ELAVL2: variants seen among roughly 807,000 people sequenced by gnomAD.
ELAVL2 encodes ELAV like RNA binding protein 2.
In ELAVL2, 4 loss-of-function variants were observed where a neutral mutation model predicts 34.6. That is an observed-to-expected ratio of 0.12 (90% CI 0.06 to 0.26). ELAVL2 has a LOEUF of 0.26. ELAVL2 is among the 10% of genes least tolerant of loss of function. ELAVL2 has a pLI of 1.00. For synonymous variants in ELAVL2, 193 were observed against 154.8 expected (o/e 1.25, Z -1.83); for missense variants, 432 against 442.8 (o/e 0.98, Z 0.22).
chr9:23,705,313 A>C (rs2038947094), intron 3 of ELAVL2, among the ~76,000 whole-genome samples: 1 of 152,170 alleles, frequency 6.6e-6, no homozygotes, highest in African/African-American at 2.4e-5. Flanking sequence ...GGACTAGCCT[A>C]CTGCAAGGGA....
the ELAVL2 span, among the ~76,000 whole-genome samples, chr9:23,833,574 T>C: frequency 6.6e-6 from 1 of 151,878 alleles, no homozygotes; most frequent in Non-Finnish European, 1.5e-5. Flanking sequence ...ATTTTCATTA[T>C]GAACATAAAA....
intron 1 of ELAVL2, among the ~76,000 whole-genome samples, chr9:23,781,384 T>G (rs923714123): frequency 6.6e-6 from 1 of 152,178 alleles, no homozygotes; most frequent in African/African-American, 2.4e-5. Context: ...CTTTCTTCTT[T>G]CCCTCAAAAG....
At chr9:23,842,250 A>C in the ELAVL2 span, among the ~76,000 whole-genome samples, 1 of 152,064 alleles carries the variant, frequency 6.6e-6, no homozygotes, top group Non-Finnish European at 1.5e-5. Context: ...GTTGACTCTG[A>C]CATTTTTCTG....
chr9:23,705,539 T>A (rs187431193), intron 3 of ELAVL2, among the ~76,000 whole-genome samples: 31 of 152,372 alleles, frequency 2.0e-4, no homozygotes, highest in Non-Finnish European at 3.8e-4. Flanking sequence ...ATAGGCTGTC[T>A]TCTGTGGGGC....
intron 1 of ELAVL2, among the ~76,000 whole-genome samples, chr9:23,795,115 T>C (rs763650476): frequency 3.9e-5 from 6 of 152,192 alleles, no homozygotes; most frequent in Non-Finnish European, 7.3e-5. Context: ...AAGCAATATT[T>C]TCAAAGTCAA....
rs1385028775 is a variant in ELAVL2, at chr9:23,797,938, AAAAAG to A, written c.-16+27863_-16+27867del. Among the ~76,000 whole-genome samples the A allele has an allele frequency of 4.2e-4, 64 of 151,246 alleles. 1 individual carries two copies. Among genetic ancestry groups the A allele is most frequent in the Admixed American group, 1.2e-3 (19 of 15,248 alleles). On this transcript the variant is annotated intron_variant, in intron 1 of 6. Coordinates refer to ENST00000397312, the MANE Select transcript of ELAVL2 (RefSeq NM_004432.5). ...AGTGAAACTCTGTCTCAAAAGAAAA[AAAAAG>A]AAAAGAAAAGAAAAAAAAAGTATGG...
intron 1 of ELAVL2, among the ~76,000 whole-genome samples, chr9:23,811,699 G>A (rs1010326561): frequency 6.6e-6 from 1 of 152,154 alleles, no homozygotes; most frequent in African/African-American, 2.4e-5. Flanking sequence ...AAACTCTGGG[G>A]GAAACACCCA....
chr9:23,701,276 G>T, intron 5 of ELAVL2, 103 bp downstream of exon 5: 1 of 1,302,108 alleles, frequency 7.7e-7, no homozygotes, highest in Non-Finnish European at 1.1e-6. Context: ...CAACAACACT[G>T]ACAAAAGCAA....
intron 1 of ELAVL2, 59 bp from the exon 2 acceptor site, chr9:23,762,308 C>T (rs2136030268): frequency 2.6e-6 from 4 of 1,565,414 alleles, no homozygotes; most frequent in Admixed American, 1.9e-5. Context: ...ATTAGAGACT[C>T]CATCCAAGAA....
intron 1 of ELAVL2, among the ~76,000 whole-genome samples, chr9:23,775,519 T>C (rs2058048525): frequency 6.6e-6 from 1 of 152,148 alleles, no homozygotes; most frequent in Admixed American, 6.5e-5. Context: ...TCCTAGCTGA[T>C]CTCTCTATTT....
intron 2 of ELAVL2, chr9:23,735,104 T>G (rs1336354011): frequency 3.5e-4 from 1 of 2,882 alleles, no homozygotes; most frequent in Non-Finnish European, 7.7e-4. Context: ...CTAAGGCTCT[T>G]CAAAAAAAAA....
chr9:23,797,595 T>C (rs545589884), intron 1 of ELAVL2, among the ~76,000 whole-genome samples: 38 of 152,250 alleles, frequency 2.5e-4, no homozygotes, highest in African/African-American at 8.9e-4. Flanking sequence ...ACACCAGGTG[T>C]ACGATTTAGG....
At chr9:23,699,278 T>C (rs185832182) in intron 5 of ELAVL2, among the ~76,000 whole-genome samples, 4 of 152,210 alleles carry the variant, frequency 2.6e-5, no homozygotes, top group African/African-American at 9.6e-5. Flanking sequence ...AGCACCTGAG[T>C]CACCTACAAG....
At chr9:23,753,093 A>C (rs1305813462) in intron 2 of ELAVL2, among the ~76,000 whole-genome samples, 1 of 152,200 alleles carries the variant, frequency 6.6e-6, no homozygotes, top group Non-Finnish European at 1.5e-5. Flanking sequence ...CAAAACAAAT[A>C]CCTTAAGGAC....
At chr9:23,832,706 C>T in the ELAVL2 span, among the ~76,000 whole-genome samples, 12 of 152,146 alleles carry the variant, frequency 7.9e-5, no homozygotes, top group Non-Finnish European at 1.8e-4. Flanking sequence ...CAGCCGACAA[C>T]ACATAGTTAA....
chr9:23,731,537 A>G (rs2046552226), intron 2 of ELAVL2, among the ~76,000 whole-genome samples: 1 of 152,180 alleles, frequency 6.6e-6, no homozygotes, highest in African/African-American at 2.4e-5. Flanking sequence ...ACATCAACCA[A>G]GAATCTGTCA....
At chr9:23,839,314 G>A in the ELAVL2 span, among the ~76,000 whole-genome samples, 3 of 151,694 alleles carry the variant, frequency 2.0e-5, no homozygotes, top group Non-Finnish European at 4.4e-5. Context: ...CATATATAGA[G>A]GACATAAAGT....
At chr9:23,760,881 T>C (rs758560525) in intron 2 of ELAVL2, among the ~76,000 whole-genome samples, 4 of 152,096 alleles carry the variant, frequency 2.6e-5, no homozygotes, top group Admixed American at 6.6e-5. Flanking sequence ...TAGAACTCAC[T>C]TGCAGATCTT....
At chr9:23,730,847 T>A (rs973068825) in intron 3 of ELAVL2, among the ~76,000 whole-genome samples, 175 bp downstream of exon 3, 4 of 152,088 alleles carry the variant, frequency 2.6e-5, no homozygotes, top group African/African-American at 4.8e-5. Context: ...TGATTATACA[T>A]AGCACTCTTG....
Sources: allele counts gnomAD v4.1 joint callset (sites outside exome capture counted in the v4.1 genomes callset), GRCh38; gene constraint gnomAD v4.1.1; transcripts MANE v1.5; gene names NCBI Gene and HGNC (gene_info 2026-07-23, HGNC 2026-07-21).